Variants in UBN2 observed in about 807,000 individuals in gnomAD.
The protein encoded by UBN2 is ubinuclein 2.
A neutral mutation model predicts 120.2 loss-of-function variants in UBN2; 35 were observed. The observed-to-expected ratio is 0.29, with a 90% CI of 0.22 to 0.39. The LOEUF is 0.39. Among genes scored for constraint, UBN2 ranks in the 10% least tolerant of loss-of-function variants. The pLI is 1.00. For missense variants in UBN2, 1,693 were observed against 1,663.2 expected (o/e 1.02, Z -0.31); for synonymous variants, 661 against 648.7 (o/e 1.02, Z -0.29).
At chr7:139,328,721 A>G in the UBN2 span, among the ~76,000 whole-genome samples, 1 of 152,096 alleles carries the variant, frequency 6.6e-6, no homozygotes, top group Non-Finnish European at 1.5e-5. Context: ...TCAGATAGTC[A>G]GGTATGGTGG....
intron 2 of UBN2, among the ~76,000 whole-genome samples, chr7:139,249,109 A>C (rs1796549547): frequency 6.6e-6 from 1 of 151,984 alleles, no homozygotes; most frequent in Non-Finnish European, 1.5e-5. Flanking sequence ...CTGGGATTAT[A>C]CCCTCAGTAG....
chr7:139,266,419 T>TA lies in UBN2; in HGVS notation c.1466+27dup, dbSNP rs762275751. 0.069 allele frequency: 69,902 copies of TA among 1,019,530 alleles called. 4 individuals carry two copies. Among genetic ancestry groups the TA allele is most frequent in the South Asian group, 0.097 (5,317 of 54,738 alleles). 63.2% of individuals were successfully genotyped at this position (1,019,530 alleles called of 1,614,324 possible). On this transcript the variant is annotated intron_variant, in intron 7 of 17. Transcript: ENST00000473989. ...TTCTTCTGGAGTAAGTAATTTTCTT[T>TA]AAAAAAAAAAACCTTAAGAATGATA...
intron 2 of UBN2, among the ~76,000 whole-genome samples, chr7:139,242,192 C>A (rs1796338492): frequency 1.3e-5 from 2 of 152,182 alleles, no homozygotes; most frequent in Admixed American, 1.3e-4. Flanking sequence ...TTGTTTTAAA[C>A]TGTCTTCAAA....
At chr7:139,265,512 A>G (rs1797071465) in intron 6 of UBN2, among the ~76,000 whole-genome samples, 1 of 152,178 alleles carries the variant, frequency 6.6e-6, no homozygotes, top group African/African-American at 2.4e-5. Flanking sequence ...AGCCTTACAA[A>G]AGATATCCAT....
chr7:139,274,373 G>A (rs1050613854), intron 11 of UBN2, among the ~76,000 whole-genome samples: 9 of 152,150 alleles, frequency 5.9e-5, no homozygotes, highest in African/African-American at 2.2e-4. Flanking sequence ...TATGAAGTTT[G>A]GGAGAGGAGC....
chr7:139,238,477 G>A (rs1463026058), intron 2 of UBN2, among the ~76,000 whole-genome samples: 2 of 152,100 alleles, frequency 1.3e-5, no homozygotes, highest in Non-Finnish European at 2.9e-5. Context: ...AGGCTGGAGT[G>A]CAGTGGTGTG....
chr7:139,246,872 T>C (rs1464259181), intron 2 of UBN2, among the ~76,000 whole-genome samples: 1 of 152,190 alleles, frequency 6.6e-6, no homozygotes, highest in African/African-American at 2.4e-5. Context: ...AATTCCTCCA[T>C]GTATTGCCTG....
chr7:139,294,254 T>G (rs950446325), intron 17 of UBN2, among the ~76,000 whole-genome samples: 2 of 152,206 alleles, frequency 1.3e-5, no homozygotes, highest in Non-Finnish European at 2.9e-5. Flanking sequence ...TTAAAAGTTA[T>G]GTACAGTAAT....
chr7:139,270,608 C>T (rs1458654051), intron 8 of UBN2, among the ~76,000 whole-genome samples: 1 of 151,994 alleles, frequency 6.6e-6, no homozygotes, highest in Non-Finnish European at 1.5e-5. Flanking sequence ...ACACAGTGTT[C>T]CATTGTGTGA....
chr7:139,318,478 A>T, the UBN2 span, among the ~76,000 whole-genome samples: 1 of 152,154 alleles, frequency 6.6e-6, no homozygotes, highest in Admixed American at 6.5e-5. Context: ...AACTTTATGG[A>T]CATTCTTTGA....
At chr7:139,246,659 A>T (rs1796478397) in intron 2 of UBN2, among the ~76,000 whole-genome samples, 1 of 152,200 alleles carries the variant, frequency 6.6e-6, no homozygotes, top group South Asian at 2.1e-4. Flanking sequence ...TACAATCATG[A>T]TACGGAACAA....
chr7:139,236,834 A>G (rs1443366762), intron 1 of UBN2, among the ~76,000 whole-genome samples, 171 bp from the exon 2 acceptor site: 1 of 152,042 alleles, frequency 6.6e-6, no homozygotes, highest in Non-Finnish European at 1.5e-5. Context: ...GAGTAATAAT[A>G]TAATTAATTA....
chr7:139,308,704 A>G (rs1798405344), downstream of UBN2, among the ~76,000 whole-genome samples: 1 of 152,150 alleles, frequency 6.6e-6, no homozygotes, highest in African/African-American at 2.4e-5. Context: ...GTATGTGTGT[A>G]TTTGATGGTG....
intron 11 of UBN2, 70 bp from the exon 12 acceptor site, chr7:139,276,026 TA>T (rs755197387): frequency 7.8e-7 from 1 of 1,281,708 alleles, no homozygotes; most frequent in Non-Finnish European, 1.1e-6. Flanking sequence ...TAAATTACTT[TA>T]AAAAATAAAA....
At chr7:139,278,955 T>G (rs1797523534) in intron 12 of UBN2, among the ~76,000 whole-genome samples, 4 of 151,954 alleles carry the variant, frequency 2.6e-5, no homozygotes, top group Admixed American at 2.0e-4. Flanking sequence ...AAGCTCAGGG[T>G]TTTTTTTGTT....
At chr7:139,326,331 A>G in the UBN2 span, among the ~76,000 whole-genome samples, 1 of 152,216 alleles carries the variant, frequency 6.6e-6, no homozygotes, top group Admixed American at 6.5e-5. Flanking sequence ...ACACACACAC[A>G]CGTTGAAAAT....
At chr7:139,262,018 T>C (rs1375830748) in intron 6 of UBN2, among the ~76,000 whole-genome samples, 1 of 151,092 alleles carries the variant, frequency 6.6e-6, no homozygotes, top group Non-Finnish European at 1.5e-5. Context: ...CTCCTGACCT[T>C]GTGATCCGCC....
chr7:139,261,924 C>T (rs1796947702), intron 6 of UBN2, among the ~76,000 whole-genome samples, 183 bp downstream of exon 6: 1 of 149,978 alleles, frequency 6.7e-6, no homozygotes, highest in Non-Finnish European at 1.5e-5. Context: ...TCCTTTTAGA[C>T]CTTTCTTTTT....
chr7:139,261,678 G>C lies in UBN2; in HGVS notation c.1332G>C (p.Val444=). The C allele has an allele frequency of 6.2e-7, 1 of 1,614,130 alleles. No homozygotes were observed. The highest frequency in any genetic ancestry group is 8.5e-7 in the Non-Finnish European group (1 of 1,180,024). Residue 444 remains valine, a synonymous_variant, in exon 6 of 18, where the codon GTG becomes GTC. Coordinates refer to ENST00000473989, the MANE Select transcript of UBN2 (RefSeq NM_173569.4). ...ACACTTCTCAGGTTATGCCCAAAGT[G>C]GTACCTACACTCCCAGAGGGTCTAC... ...PTYTSQVMPK[V]VPTLPEGLPV... is the part of the protein sequence containing the mutation.
Sources: gnomAD v4.1 joint callset for allele counts (sites outside exome capture counted in the v4.1 genomes callset) on GRCh38, gnomAD v4.1.1 for gene constraint, MANE v1.5 for transcripts, NCBI Gene and HGNC (gene_info 2026-07-23, HGNC 2026-07-21) for gene names.